The following PLGRKT variants were observed in gnomAD, a reference collection of about 807,000 sequenced individuals.
PLGRKT encodes the protein plasminogen receptor with a C-terminal lysine, also known as plasminogen receptor (KT).
PLGRKT carries 22 observed loss-of-function variants against 18.5 expected under a neutral mutation model. The ratio of observed to expected loss-of-function variants is 1.19; its 90% CI spans 0.85 to 1.70. The LOEUF is 1.70. PLGRKT is among the 40% of genes most tolerant of loss of function. The probability of loss-of-function intolerance (pLI) is 0.00; values close to 1 mark genes in which losing one functional copy is unlikely to be tolerated. For missense variants in PLGRKT, 235 were observed against 174.4 expected (o/e 1.35, Z -1.96); for synonymous variants, 72 against 52.8 (o/e 1.36, Z -1.58).
At chr9:5,363,364 C>T (rs936952349) in intron 3 of PLGRKT, among the ~76,000 whole-genome samples, 16 of 151,952 alleles carry the variant, frequency 1.1e-4, no homozygotes, top group African/African-American at 3.9e-4. Context: ...GCCTTCCCCA[C>T]TCAGCCACTG....
intron 3 of PLGRKT, among the ~76,000 whole-genome samples, chr9:5,367,127 A>T (rs1817411223): frequency 6.6e-6 from 1 of 151,980 alleles, no homozygotes. Context: ...TTCCACGCTC[A>T]TGAATTGGAA....
chr9:5,380,502 G>T (rs767198911), intron 3 of PLGRKT, among the ~76,000 whole-genome samples: 1 of 151,694 alleles, frequency 6.6e-6, no homozygotes, highest in Non-Finnish European at 1.5e-5. Flanking sequence ...CTACGATTTG[G>T]ATGTTACTAT....
chr9:5,402,306 C>A (rs1482956400), intron 3 of PLGRKT, among the ~76,000 whole-genome samples: 1 of 151,674 alleles, frequency 6.6e-6, no homozygotes, highest in African/African-American at 2.4e-5. Context: ...TTTAAGGTAA[C>A]CTCAAGGGAT....
chr9:5,362,495 T>A (rs3824434), intron 3 of PLGRKT, among the ~76,000 whole-genome samples: 42,168 of 152,088 alleles, frequency 0.28, 6,036 homozygotes, highest in South Asian at 0.34. Flanking sequence ...AATTTCTAAA[T>A]TGATTTTTAG....
chr9:5,361,955 C>G, intron 3 of PLGRKT, 67 bp from the exon 4 acceptor site: 1 of 1,461,228 alleles, frequency 6.8e-7, no homozygotes, highest in East Asian at 2.3e-5. Flanking sequence ...AGTTAATAAT[C>G]TGTTTTTCCA....
intron 3 of PLGRKT, among the ~76,000 whole-genome samples, chr9:5,417,169 A>C (rs953233372): frequency 6.6e-6 from 1 of 152,210 alleles, no homozygotes; most frequent in Non-Finnish European, 1.5e-5. Flanking sequence ...GTCAAGATGC[A>C]CTTTTCAAAG....
intron 3 of PLGRKT, 27 bp from the exon 4 acceptor site, chr9:5,361,915 A>T: frequency 6.2e-7 from 1 of 1,602,326 alleles, no homozygotes. Flanking sequence ...AGACAAAGTA[A>T]AGTTACTCAT....
At chr9:5,432,537 G>T (rs1818849048) in intron 2 of PLGRKT, among the ~76,000 whole-genome samples, 2 of 120,008 alleles carry the variant, frequency 1.7e-5, no homozygotes, top group Admixed American at 1.1e-4. Context: ...TCCCTCTCTT[G>T]CGGAGCCTGG....
chr9:5,384,382 C>G (rs981059616), intron 3 of PLGRKT, among the ~76,000 whole-genome samples: 1 of 152,016 alleles, frequency 6.6e-6, no homozygotes, highest in South Asian at 2.1e-4. Context: ...AAAAATAATT[C>G]ACAGTTTTTT....
rs541263418 is a variant in PLGRKT, at chr9:5,389,350, T to G, written c.82-27462A>C. ...AGAATGGTCTTGTTTTATGTCTTTG[T>G]TCATCACAAGTCACAGCATGGTCTT... On this transcript the variant is annotated intron_variant, in intron 3 of 5. Coordinates refer to ENST00000223864, the MANE Select transcript of PLGRKT (RefSeq NM_018465.4). 1.6e-4 allele frequency among the ~76,000 whole-genome samples: 25 copies of G among 152,020 alleles called. 2 individuals are homozygous for G. The highest frequency in any genetic ancestry group is 5.8e-4 in the African/African-American group (24 of 41,294).
chr9:5,435,937 T>A (rs1254387032), intron 2 of PLGRKT, among the ~76,000 whole-genome samples: 2 of 152,176 alleles, frequency 1.3e-5, no homozygotes, highest in Non-Finnish European at 2.9e-5. Context: ...TGTATTCTGA[T>A]CAAGGATACA....
At chr9:5,369,595 T>C (rs915517650) in intron 3 of PLGRKT, among the ~76,000 whole-genome samples, 1 of 152,200 alleles carries the variant, frequency 6.6e-6, no homozygotes, top group African/African-American at 2.4e-5. Flanking sequence ...TTACTGGTTA[T>C]ATACCCAAAG....
At position 5,418,535 on chromosome 9, in the gene PLGRKT, C is replaced by G. The variant is rs530559348; in HGVS notation, c.81+13362G>C. 7 of 897,754 alleles carry G rather than the reference C, an allele frequency of 7.8e-6. No homozygotes were observed. In the East Asian group the frequency reaches 1.3e-4, roughly 17 times the overall value. 55.6% of individuals were successfully genotyped at this position (897,754 alleles called of 1,614,324 possible). On this transcript the variant is annotated intron_variant, in intron 3 of 5. Coordinates refer to ENST00000223864, the MANE Select transcript of PLGRKT (RefSeq NM_018465.4). The surrounding 1 kb of genome is among the most constrained non-coding windows in gnomAD (Gnocchi z 4.2). ...CTGTCCTGCTCCTCCTCCGCCACCC[C>G]CTGGGGAGCCCTGCCTTGCAGAGGC...
At position 5,433,072 on chromosome 9, in the gene PLGRKT, C is replaced by A. The variant is rs541123087; in HGVS notation, c.-6-1089G>T. On this transcript the variant is annotated intron_variant, in intron 2 of 5. Coordinates refer to ENST00000223864, the MANE Select transcript of PLGRKT (RefSeq NM_018465.4). Reference sequence around the variant, plus strand: ...TGAGGAGGGCCTCTGCCCGGCCGCCCCGTCTGGGAGGAAGTGAGGAGCGCC... The same window carrying A: ...TGAGGAGGGCCTCTGCCCGGCCGCCACGTCTGGGAGGAAGTGAGGAGCGCC... Among the ~76,000 whole-genome samples the A allele has an allele frequency of 5.9e-4, 89 of 150,266 alleles. No individual in the cohort carries two copies. The East Asian group carries it at 0.017, about 28-fold the overall frequency.
In PLGRKT at chr9:5,435,167, G is replaced by A. The variant is rs1461539848; in HGVS notation, c.-7+1402C>T. Among the ~76,000 whole-genome samples the A allele has an allele frequency of 5.3e-5, 8 of 152,154 alleles. 1 individual carries two copies. The South Asian group carries it at 1.7e-3, about 32-fold the overall frequency. ...CACTCCCTAATCTCAAGTACCCAGG[G>A]ACACAAACAGGGCCAAAGGCCGCAG... On this transcript the variant is annotated intron_variant, in intron 2 of 5. Coordinates refer to ENST00000223864, the MANE Select transcript of PLGRKT (RefSeq NM_018465.4).
chr9:5,401,717 C>T (rs1818157710), intron 3 of PLGRKT, among the ~76,000 whole-genome samples: 1 of 151,912 alleles, frequency 6.6e-6, no homozygotes, highest in Admixed American at 6.6e-5. Context: ...GCCAATATCA[C>T]CTTAATTTAT....
chr9:5,381,924 TC>T, intron 3 of PLGRKT: 1 of 984,928 alleles, frequency 1.0e-6, no homozygotes, highest in Non-Finnish European at 1.2e-6. Context: ...AGAGGAAGAG[TC>T]TGCTCCGAGA....
intron 5 of PLGRKT, 66 bp downstream of exon 5, chr9:5,361,012 A>G: frequency 2.3e-6 from 2 of 851,764 alleles, no homozygotes; most frequent in South Asian, 2.9e-5. Context: ...AAAGGTTCCT[A>G]AGGCAGGGAT....
intron 3 of PLGRKT, among the ~76,000 whole-genome samples, chr9:5,414,735 G>T (rs535818378): frequency 5.9e-5 from 9 of 152,260 alleles, no homozygotes; most frequent in African/African-American, 2.2e-4. Flanking sequence ...TTCTCACAGG[G>T]GTACGTACTG....
Sources: allele counts gnomAD v4.1 joint callset (sites outside exome capture counted in the v4.1 genomes callset), GRCh38; gene constraint gnomAD v4.1.1; non-coding constraint Gnocchi (gnomAD v3.1); transcripts MANE v1.5; gene names NCBI Gene and HGNC (gene_info 2026-07-23, HGNC 2026-07-21).